Variants in TLE2 observed in about 807,000 individuals in gnomAD.
TLE2 encodes TLE family member 2, transcriptional corepressor, also known as transducin-like enhancer protein 2.
In TLE2, 74 loss-of-function variants were observed where a neutral mutation model predicts 97.2. The observed-to-expected ratio is 0.76, with a 90% CI of 0.63 to 0.92. The LOEUF is 0.92. Ranked by LOEUF, TLE2 falls within the 40% of genes least tolerant of loss-of-function variation. The pLI is 0.00. For synonymous variants in TLE2, 499 were observed against 432.1 expected (o/e 1.15, Z -1.92); for missense variants, 1,038 against 1,008.7 (o/e 1.03, Z -0.39).
Position 3,023,058 on chromosome 19 carries a change from T to TC in TLE2, c.294+1961_294+1962insG, listed in dbSNP as rs34098191. Among the ~76,000 whole-genome samples the TC allele has an allele frequency of 3.6e-3, 428 of 118,098 alleles. 4 individuals are homozygous for TC. The highest frequency in any genetic ancestry group is 0.014 in the African/African-American group (332 of 23,070). The allele number at this position is 118,098 out of a possible 152,430, so 77.5% of individuals were successfully genotyped here. A position where few individuals can be genotyped will look rare whatever the true frequency, so the allele number is the denominator to read the frequency against. On this transcript the variant is annotated intron_variant, in intron 5 of 19. Coordinates refer to ENST00000262953, the MANE Select transcript of TLE2 (RefSeq NM_003260.5). ...TTTCAACAGTCATTTTACCTAATCT[T>TC]TTTTTTTTTTTTTTGAGACAGAATC... is the stretch of plus-strand genomic sequence containing the variant.
At chr19:3,013,931 C>T (rs2089648892) in intron 10 of TLE2, 113 bp from the exon 11 acceptor site, 1 of 1,059,478 alleles carries the variant, frequency 9.4e-7, no homozygotes. Context: ...ACCCATGACC[C>T]ACCATGGGAA....
chr19:3,037,142 G>A (rs779229637), intron 1 of TLE2, among the ~76,000 whole-genome samples: 2 of 152,072 alleles, frequency 1.3e-5, no homozygotes, highest in Non-Finnish European at 2.9e-5. Flanking sequence ...AAAATTAGCC[G>A]GACATGGTGG....
Position 3,005,922 on chromosome 19 carries a change from C to A in TLE2, c.1547G>T (p.Arg516Leu). 1.9e-6 allele frequency: 3 copies of A among 1,611,720 alleles called. No individual in the cohort carries two copies. Among genetic ancestry groups the A allele is most frequent in the Non-Finnish European group, 2.5e-6 (3 of 1,178,104 alleles). The change falls in exon 16 of 20, where the codon CGG (arginine) becomes CTG (leucine). Residue 516 changes from arginine (R) to leucine (L), a missense_variant. By Grantham distance (102) the Arg-to-Leu change is moderately radical. Coordinates refer to ENST00000262953, the MANE Select transcript of TLE2 (RefSeq NM_003260.5). ...IRSCKLLPDG[R>L]SLIVGGEAST... ...GGCCTCACCGCCCACGATCAGACTC[C>A]GGCCATCCGGCAGCAACTTGCAGGA...
At chr19:3,029,585 G>A (rs2090005968), upstream of TLE2, 5 of 570,486 alleles carry the variant, frequency 8.8e-6, no homozygotes, top group Non-Finnish European at 1.1e-5. Context: ...GGGGAGCGGG[G>A]ACCAGTCTGG....
At chr19:3,002,575 G>T in intron 17 of TLE2, 72 bp from the exon 18 acceptor site, 1 of 1,512,310 alleles carries the variant, frequency 6.6e-7, no homozygotes, top group Admixed American at 2.1e-5. Context: ...GTCTCACTCC[G>T]TCACCCAGGC....
upstream of TLE2, among the ~76,000 whole-genome samples, chr19:3,047,079 C>A (rs1271798845): frequency 4.0e-5 from 2 of 50,604 alleles, no homozygotes; most frequent in East Asian, 1.1e-3. Flanking sequence ...CCTCCCTCCA[C>A]TTCCCTCCTC....
rs1471604287 is a variant in TLE2, at chr19:3,019,179, T to C, written c.550+104A>G. On this transcript the variant is annotated intron_variant, in intron 7 of 19. Transcript: ENST00000262953. The surrounding 1 kb of genome is among the most constrained non-coding windows in gnomAD (Gnocchi z 5.1). The stretch of plus-strand genomic sequence containing the variant: ...TCCCAAATTGTTGGGATTATAGGCA[T>C]GAGCCACTTCATCCCCTCACGCTGA... 2 of 1,456,304 alleles carry C rather than the reference T, an allele frequency of 1.4e-6. No individual in the cohort carries two copies. The highest frequency in any genetic ancestry group is 1.8e-6 in the Non-Finnish European group (2 of 1,089,184). The allele number at this position is 1,456,304 out of a possible 1,614,324, so 90.2% of individuals were successfully genotyped here.
intron 18 of TLE2, among the ~76,000 whole-genome samples, chr19:3,001,346 C>A (rs1015901752): frequency 1.3e-5 from 2 of 151,976 alleles, no homozygotes; most frequent in African/African-American, 4.8e-5. Flanking sequence ...AACTCCTGGC[C>A]TCAAGCGATC....
Position 3,029,191 on chromosome 19 carries a change from G to A in TLE2, c.-287C>T. 3.1e-6 allele frequency: 2 copies of A among 646,038 alleles called. No homozygotes were observed. The highest frequency in any genetic ancestry group is 3.8e-6 in the Non-Finnish European group (2 of 522,760). The allele number at this position is 646,038 out of a possible 1,614,324, so 40.0% of individuals were successfully genotyped here. The stretch of plus-strand genomic sequence containing the variant: ...GAGGGCGGCCGCGGCAGCCGGCGCA[G>A]AAGGTCGGGCGCGCCGCGGCCGGGT... On this transcript the variant is annotated 5_prime_UTR_variant, in exon 1 of 20. Coordinates refer to ENST00000262953, the MANE Select transcript of TLE2 (RefSeq NM_003260.5).
intron 18 of TLE2, 90 bp from the exon 19 acceptor site, chr19:3,000,813 C>A: frequency 1.1e-5 from 9 of 810,258 alleles, no homozygotes; most frequent in South Asian, 1.6e-5. Context: ...GGGTCTGGGT[C>A]TGGCCTCTCC....
Position 3,019,223 on chromosome 19 carries a change from G to T in TLE2, c.550+60C>A. ...ACGCTGATGTTTGCTACCCTGGACT[G>T]CCAGTCGTCCTCCCCAGCCCCGTCT... On this transcript the variant is annotated intron_variant, in intron 7 of 19. Coordinates refer to ENST00000262953, the MANE Select transcript of TLE2 (RefSeq NM_003260.5). The surrounding 1 kb of genome is among the most constrained non-coding windows in gnomAD (Gnocchi z 5.1). 6.5e-7 allele frequency: 1 copy of T among 1,532,874 alleles called. No homozygotes were observed. The highest frequency in any genetic ancestry group is 8.7e-7 in the Non-Finnish European group (1 of 1,145,076). 95.0% of individuals were successfully genotyped at this position (1,532,874 alleles called of 1,614,324 possible).
chr19:3,002,366 C>T lies in TLE2; in HGVS notation c.2034G>A (p.Lys678=), dbSNP rs1423020412. The T allele has an allele frequency of 1.2e-6, 2 of 1,612,918 alleles. No homozygotes were observed. Among genetic ancestry groups the T allele is most frequent in the South Asian group, 2.2e-5 (2 of 90,918 alleles). The change falls in exon 18 of 20, where the codon AAG becomes AAA. Residue 678 remains lysine (K), a synonymous_variant. Transcript: ENST00000262953. The part of the protein sequence containing the change: ...HLHESCVLSL[K]FASCGRWFVS... ...CAGAAGACACACCGCAGGAGGCAAA[C>T]TTCAGGGACAGCACGCAGCTCTCGT...
chr19:3,044,525 T>C (rs2090128069), intron 1 of TLE2, among the ~76,000 whole-genome samples: 2 of 152,230 alleles, frequency 1.3e-5, no homozygotes, highest in Admixed American at 6.5e-5. Flanking sequence ...GTTCAAGTGA[T>C]TCTCCTTCCT....
intron 5 of TLE2, among the ~76,000 whole-genome samples, chr19:3,021,118 G>GTC (rs2089832312): frequency 8.4e-6 from 1 of 119,090 alleles, no homozygotes; most frequent in Non-Finnish European, 1.7e-5. Flanking sequence ...AAAAAAAGGG[G>GTC]GGGGGGTGCT....
At chr19:3,017,431 G>GGT (rs1291723285) in intron 8 of TLE2, among the ~76,000 whole-genome samples, 1 of 143,222 alleles carries the variant, frequency 7.0e-6, no homozygotes, top group African/African-American at 2.6e-5. Flanking sequence ...CACCTGGCCT[G>GGT]GTTTTTTTTT....
Position 3,013,714 on chromosome 19 carries a change from G to C in TLE2, c.828C>G (p.Ala276=), listed in dbSNP as rs1169924728. Residue 276 remains alanine, a synonymous_variant, in exon 11 of 20, where the codon GCC becomes GCG. Coordinates refer to ENST00000262953, the MANE Select transcript of TLE2 (RefSeq NM_003260.5). ...RDLVDSPASL[A]SSLGSPLPRA... The stretch of plus-strand genomic sequence containing the variant: ...TAGGCAGCGGTGAGCCAAGGCTAGA[G>C]GCCAAGGAGGCTGGACTGTCCACCA... 2 of 1,535,254 alleles carry C rather than the reference G, an allele frequency of 1.3e-6. No individual in the cohort carries two copies. Among genetic ancestry groups the C allele is most frequent in the Non-Finnish European group, 1.8e-6 (2 of 1,142,694 alleles).
In TLE2 at chr19:3,028,914, C is replaced by T. The variant is rs74346037; in HGVS notation, c.-10G>A. 5,950 of 1,609,662 alleles carry T rather than the reference C, an allele frequency of 3.7e-3. 187 individuals are homozygous for T. The African/African-American group carries it at 0.07, about 19-fold the overall frequency. On this transcript the variant is annotated 5_prime_UTR_variant, in exon 1 of 20. Transcript: ENST00000262953. ...TTCCCTGGGGGTACATCCTGCCGAT[C>T]CGAAAAGCCCCCCAGGCGCCACCAG...
At chr19:3,046,859 C>T (rs1430555043), upstream of TLE2, among the ~76,000 whole-genome samples, 1 of 150,854 alleles carries the variant, frequency 6.6e-6, no homozygotes, top group Non-Finnish European at 1.5e-5. Context: ...TCTCTGCTCC[C>T]CTCTGGTCCC....
intron 1 of TLE2, among the ~76,000 whole-genome samples, chr19:3,037,112 C>T (rs566297898): frequency 2.6e-5 from 4 of 152,256 alleles, no homozygotes; most frequent in African/African-American, 7.2e-5. Flanking sequence ...TAGTGAAACC[C>T]GGTCTTTACT....
Sources: gnomAD v4.1 joint callset for allele counts (sites outside exome capture counted in the v4.1 genomes callset) on GRCh38, gnomAD v4.1.1 for gene constraint, Gnocchi (gnomAD v3.1) non-coding constraint, MANE v1.5 for transcripts, NCBI Gene and HGNC (gene_info 2026-07-23, HGNC 2026-07-21) for gene names.